Variants in CSMD1 observed in about 807,000 individuals in gnomAD.
CSMD1 encodes CUB and Sushi multiple domains 1, also known as CUB and sushi domain-containing protein 1.
Under a neutral mutation model 417.5 loss-of-function variants are expected in CSMD1, and 213 were observed. The observed-to-expected ratio is 0.51, with a 90% CI of 0.46 to 0.57. The LOEUF (loss-of-function observed/expected upper bound fraction) is 0.57. Ranked by LOEUF, CSMD1 falls within the 20% of genes least tolerant of loss-of-function variation. The probability of loss-of-function intolerance (pLI) is 0.00; values close to 1 mark genes in which losing one functional copy is unlikely to be tolerated. For missense variants in CSMD1, 6,923 were observed against 4,529.7 expected (o/e 1.53, Z -15.17); for synonymous variants, 2,862 against 1,736.8 (o/e 1.65, Z -16.11).
chr8:3,938,036 G>A (rs1012400601), intron 5 of CSMD1, among the ~76,000 whole-genome samples: 5 of 152,088 alleles, frequency 3.3e-5, no homozygotes, highest in African/African-American at 1.2e-4. Context: ...AAATAAAAAT[G>A]CTTTCCTAAT....
chr8:4,786,382 AT>A lies in CSMD1; in HGVS notation c.86-148825del, dbSNP rs1313842486. 5.3e-5 allele frequency among the ~76,000 whole-genome samples: 8 copies of A among 152,358 alleles called. No individual in the cohort carries two copies. The South Asian group carries it at 1.5e-3, about 28-fold the overall frequency. ...GAGATTAAAATGGCAGGTGCAGAAC[AT>A]GCATCGGTCAAGTAAATGAATAAAT... On this transcript the variant is annotated intron_variant, in intron 1 of 69. Transcript: ENST00000635120.
chr8:4,301,050 G>A (rs796326314), intron 3 of CSMD1, among the ~76,000 whole-genome samples: 2 of 152,166 alleles, frequency 1.3e-5, no homozygotes, highest in African/African-American at 4.8e-5. Flanking sequence ...AAAGAAGTCA[G>A]AAGGAGCCAA....
intron 10 of CSMD1, among the ~76,000 whole-genome samples, chr8:3,552,574 G>A (rs551906156): frequency 7.1e-4 from 108 of 152,210 alleles, no homozygotes; most frequent in Non-Finnish European, 1.3e-3. Flanking sequence ...GGGGCATTGT[G>A]GTTATGCAAA....
intron 18 of CSMD1, among the ~76,000 whole-genome samples, chr8:3,370,812 C>G (rs540479075): frequency 1.3e-5 from 2 of 152,164 alleles, no homozygotes; most frequent in South Asian, 2.1e-4. Context: ...CCATGTTTAT[C>G]AAAAATATAA....
At position 3,414,247 on chromosome 8, in the gene CSMD1, C is replaced by G. The variant is rs867574571; in HGVS notation, c.1562-4642G>C. Among the ~76,000 whole-genome samples, 6 of 83,302 alleles carry G rather than the reference C, an allele frequency of 7.2e-5. No homozygotes were observed. The South Asian group carries it at 2.5e-3, about 35-fold the overall frequency. The allele number at this position is 83,302 out of a possible 152,430, so 54.6% of individuals were successfully genotyped here. On this transcript the variant is annotated intron_variant, in intron 12 of 69. Coordinates refer to ENST00000635120, the MANE Select transcript of CSMD1 (RefSeq NM_033225.6). ...AAAAAAAAAAAAAAAAAATGCTGTA[C>G]AAACTATCTCTTCCAAATTATTGAA... is the stretch of plus-strand genomic sequence containing the variant.
At chr8:3,908,194 C>T (rs1052350005) in intron 5 of CSMD1, among the ~76,000 whole-genome samples, 5 of 152,072 alleles carry the variant, frequency 3.3e-5, no homozygotes, top group African/African-American at 1.2e-4. Context: ...AGGCTAGATA[C>T]TAAGCACATA....
chr8:4,721,877 T>G (rs1428336045), intron 1 of CSMD1, among the ~76,000 whole-genome samples: 1 of 152,092 alleles, frequency 6.6e-6, no homozygotes, highest in East Asian at 1.9e-4. Context: ...TGTGAAAACA[T>G]GGATGAAACT....
intron 23 of CSMD1, among the ~76,000 whole-genome samples, chr8:3,337,703 C>T (rs1248895745): frequency 2.0e-5 from 3 of 152,168 alleles, no homozygotes; most frequent in Admixed American, 6.5e-5. Flanking sequence ...AGATCAAGTG[C>T]TCCCTAGGAG....
intron 8 of CSMD1, among the ~76,000 whole-genome samples, chr8:3,598,592 T>C (rs1467061358): frequency 6.6e-6 from 1 of 152,214 alleles, no homozygotes; most frequent in Non-Finnish European, 1.5e-5. Context: ...CTGTTGTTCC[T>C]TCTTTTATTT....
At chr8:3,693,446 T>C (rs1299351420) in intron 7 of CSMD1, among the ~76,000 whole-genome samples, 3 of 152,140 alleles carry the variant, frequency 2.0e-5, no homozygotes, top group Admixed American at 2.0e-4. Context: ...CTTAGCTGGG[T>C]ATTGATACGA....
intron 5 of CSMD1, among the ~76,000 whole-genome samples, chr8:3,993,096 G>A (rs1185521736): frequency 6.6e-6 from 1 of 152,216 alleles, no homozygotes; most frequent in Admixed American, 6.5e-5. Context: ...GTCTGAAAAT[G>A]AGTTAGCAGC....
chr8:3,519,930 T>C (rs1479216803), intron 10 of CSMD1, among the ~76,000 whole-genome samples: 1 of 151,690 alleles, frequency 6.6e-6, no homozygotes, highest in Non-Finnish European at 1.5e-5. Flanking sequence ...TTTTATAAAC[T>C]CAACGCTAAT....
intron 1 of CSMD1, among the ~76,000 whole-genome samples, chr8:4,809,230 G>C (rs1194293487): frequency 2.6e-5 from 4 of 152,136 alleles, no homozygotes; most frequent in Non-Finnish European, 4.4e-5. Flanking sequence ...AAAAGATAGA[G>C]TTTTATGAAT....
chr8:2,964,804 C>A (rs1231165985), intron 59 of CSMD1, among the ~76,000 whole-genome samples: 1 of 152,042 alleles, frequency 6.6e-6, no homozygotes, highest in Admixed American at 6.6e-5. Flanking sequence ...CAAGAACACG[C>A]CCATGTCAGA....
At chr8:3,724,543 G>C (rs1356387934) in intron 6 of CSMD1, among the ~76,000 whole-genome samples, 3 of 152,028 alleles carry the variant, frequency 2.0e-5, no homozygotes, top group African/African-American at 7.2e-5. Flanking sequence ...AGGGTCCTAA[G>C]GCTGAATGAT....
chr8:4,838,125 T>C lies in CSMD1; in HGVS notation c.85+156207A>G, dbSNP rs142875155. ...AGAATAAAGAAAAACAGTAAAACTT[T>C]TTTTTAAAGCAAGGGGGAAATATAG... is the stretch of plus-strand genomic sequence containing the variant. On this transcript the variant is annotated intron_variant, in intron 1 of 69. Transcript: ENST00000635120. Among the ~76,000 whole-genome samples the C allele has an allele frequency of 3.0e-3, 462 of 152,276 alleles. 1 individual carries two copies. The highest frequency in any genetic ancestry group is 0.011 in the African/African-American group (443 of 41,548).
At position 3,763,671 on chromosome 8, in the gene CSMD1, T is replaced by C. The variant is rs1455956332; in HGVS notation, c.819-9629A>G. The stretch of plus-strand genomic sequence containing the variant: ...TCCTATATAGCACTGCAAAACACAC[T>C]GACACAAGTGCCTTTGTGGCTAAAC... On this transcript the variant is annotated intron_variant, in intron 5 of 69. Coordinates refer to ENST00000635120, the MANE Select transcript of CSMD1 (RefSeq NM_033225.6). Among the ~76,000 whole-genome samples the C allele has an allele frequency of 7.9e-5, 12 of 152,284 alleles. No homozygotes were observed. The East Asian group carries it at 2.3e-3, about 29-fold the overall frequency.
intron 10 of CSMD1, among the ~76,000 whole-genome samples, chr8:3,550,074 G>A (rs902432056): frequency 1.3e-5 from 2 of 151,944 alleles, no homozygotes; most frequent in African/African-American, 2.4e-5. Context: ...TAAGTAAAAG[G>A]CAAGAAAAAA....
At chr8:4,349,814 TA>T (rs1313351343) in intron 3 of CSMD1, among the ~76,000 whole-genome samples, 1 of 143,540 alleles carries the variant, frequency 7.0e-6, no homozygotes, top group Non-Finnish European at 1.5e-5. Flanking sequence ...TAAAATATGA[TA>T]TGACCTTTTT....
Sources: gnomAD v4.1 joint callset for allele counts (sites outside exome capture counted in the v4.1 genomes callset) on GRCh38, gnomAD v4.1.1 for gene constraint, MANE v1.5 for transcripts, NCBI Gene and HGNC (gene_info 2026-07-23, HGNC 2026-07-21) for gene names.